Variants in NEB observed in about 807,000 individuals in gnomAD.
NEB encodes nemaline myopathy type 2.
Under a neutral mutation model 952.2 loss-of-function variants are expected in NEB, and 512 were observed. The ratio of observed to expected loss-of-function variants is 0.54; its 90% CI spans 0.50 to 0.58. The LOEUF (loss-of-function observed/expected upper bound fraction) is 0.58, where lower values mean the gene tolerates loss of function less well. NEB is among the 20% of genes least tolerant of loss of function. NEB has a pLI of 0.00. For missense variants in NEB, 8,428 were observed against 9,231.1 expected (o/e 0.91, Z 3.56); for synonymous variants, 2,900 against 3,149.8 (o/e 0.92, Z 2.66).
chr2:151,717,427 G>C lies in NEB; in HGVS notation c.811C>G (p.Gln271Glu), dbSNP rs368196453. 6.2e-7 allele frequency: 1 copy of C among 1,611,010 alleles called. No individual in the cohort carries two copies. The highest frequency in any genetic ancestry group is 1.3e-5 in the African/African-American group (1 of 75,040). ...DIEFAKKVTNQVSKQKYKEDY... is the reference protein window; with the variant it reads ...DIEFAKKVTNEVSKQKYKEDY... ...CTCTATTTACTTACCTTGCTCACTT[G>C]ATTGGTTACTTTCTTGGCAAATTCT... Residue 271 changes from glutamine to glutamate, a missense_variant, in exon 10 of 182, where the codon CAA (glutamine) becomes GAA (glutamate). Physicochemically the swap from Gln to Glu is conservative, Grantham distance 29. This residue lies in a region of NEB where 2,851 missense variants were observed against 2,791.5 expected (regional missense o/e 1.02). Coordinates refer to ENST00000397345, the MANE Select transcript of NEB (RefSeq NM_001164508.2).
intron 162 of NEB, 78 bp downstream of exon 162, chr2:151,507,927 G>A (rs2070648967): frequency 2.0e-6 from 2 of 1,020,184 alleles, no homozygotes; most frequent in East Asian, 2.6e-5. Context: ...CCCACTGCAA[G>A]CCTGGGATAT....
rs748325862 is a variant in NEB at position 151,680,743 on chromosome 2, G to A, written c.3029C>T (p.Ala1010Val). ...ATTAACACTTACATCACTCCTCTGG[G>A]CCTGGTTAATTTTAGACTGTACTGT... ...PITVQSKINQ[A>V]QRSDIAYKAK... Residue 1010 changes from alanine to valine, a missense_variant, in exon 30 of 182, where the codon GCC becomes GTC. Ala to Val is a moderately conservative substitution (Grantham distance 64). Around this residue, in one of 11 missense-constraint regions of NEB, gnomAD observed 2,851 missense variants for 2,791.5 expected, o/e 1.02. Coordinates refer to ENST00000397345, the MANE Select transcript of NEB (RefSeq NM_001164508.2). 1 of 1,602,852 alleles carries A rather than the reference G, an allele frequency of 6.2e-7. No homozygotes were observed. The highest frequency in any genetic ancestry group is 8.5e-7 in the Non-Finnish European group (1 of 1,170,338).
chr2:151,499,757 T>TA, intron 168 of NEB, among the ~76,000 whole-genome samples: 1 of 152,380 alleles, frequency 6.6e-6, no homozygotes, highest in Admixed American at 6.5e-5. Context: ...GCGTTTGTCT[T>TA]ACGGTCTAAC....
At chr2:151,711,052 A>G (rs2099743625) in intron 10 of NEB, among the ~76,000 whole-genome samples, 1 of 152,196 alleles carries the variant, frequency 6.6e-6, no homozygotes, top group Admixed American at 6.5e-5. Flanking sequence ...TCAAAAATTG[A>G]ATTATTGCCC....
chr2:151,670,120 A>G (rs2099267743), intron 38 of NEB, among the ~76,000 whole-genome samples: 1 of 152,158 alleles, frequency 6.6e-6, no homozygotes, highest in Non-Finnish European at 1.5e-5. Flanking sequence ...ACACCATGAG[A>G]AGTGACATCT....
chr2:151,523,857 A>T (rs1218019817), intron 153 of NEB, among the ~76,000 whole-genome samples: 3 of 151,748 alleles, frequency 2.0e-5, no homozygotes. Flanking sequence ...CCTACTTCCT[A>T]GCCCGGGCAG....
At chr2:151,495,997 G>A (rs1329511470) in intron 173 of NEB, among the ~76,000 whole-genome samples, 2 of 152,100 alleles carry the variant, frequency 1.3e-5, no homozygotes, top group African/African-American at 4.8e-5. Context: ...AAGAGACCTT[G>A]GGGGTAGTGG....
chr2:151,544,649 T>C (rs1038636162), intron 135 of NEB, among the ~76,000 whole-genome samples: 6 of 152,236 alleles, frequency 3.9e-5, no homozygotes, highest in Non-Finnish European at 8.8e-5. Context: ...GGCTCAATGT[T>C]GCATTTGCAA....
At chr2:151,512,333 TTCTC>T (rs1341601986) in intron 161 of NEB, among the ~76,000 whole-genome samples, 1 of 149,650 alleles carries the variant, frequency 6.7e-6, no homozygotes, top group East Asian at 2.0e-4. Context: ...CATGCCGGGC[TTCTC>T]TCTTTTTTTT....
chr2:151,697,957 T>C (rs976001333), intron 13 of NEB, among the ~76,000 whole-genome samples: 1 of 152,110 alleles, frequency 6.6e-6, no homozygotes, highest in African/African-American at 2.4e-5. Context: ...TCCCAGCTAC[T>C]TGGGAGGCTG....
chr2:151,642,185 G>C (rs55945937), intron 60 of NEB, among the ~76,000 whole-genome samples: 8,786 of 152,266 alleles, frequency 0.058, 440 homozygotes, highest in East Asian at 0.27. Flanking sequence ...TTTGAGTAAT[G>C]TGTCCTATAA....
chr2:151,498,760 A>G (rs1345672527), intron 169 of NEB, among the ~76,000 whole-genome samples: 1 of 152,192 alleles, frequency 6.6e-6, no homozygotes, highest in Non-Finnish European at 1.5e-5. Flanking sequence ...AACATTGTGT[A>G]TATGGAGACA....
chr2:151,612,281 T>C lies in NEB; in HGVS notation c.11710A>G (p.Lys3904Glu). 1 of 1,613,860 alleles carries C rather than the reference T, an allele frequency of 6.2e-7. No homozygotes were observed. Among genetic ancestry groups the C allele is most frequent in the Non-Finnish European group, 8.5e-7 (1 of 1,179,816 alleles). ...KRAGEILSDR[K>E]YRQPADQLKF... The stretch of plus-strand genomic sequence containing the variant: ...AGCTGGTCTGCAGGCTGGCGATACT[T>C]CCTGTCACTCAGGATTTCTCCAGCT... Residue 3904 changes from lysine to glutamate, a missense_variant, in exon 78 of 182, where the codon AAG becomes GAG. Physicochemically the swap from Lys to Glu is moderately conservative, Grantham distance 56 (BLOSUM62 1). Coordinates refer to ENST00000397345, the MANE Select transcript of NEB (RefSeq NM_001164508.2).
chr2:151,565,405 T>C, intron 116 of NEB, 96 bp downstream of exon 116: 1 of 935,308 alleles, frequency 1.1e-6, no homozygotes, highest in South Asian at 1.4e-5. Context: ...CTCCCAATTT[T>C]TTTACAAGCA....
intron 71 of NEB, 42 bp downstream of exon 71, chr2:151,625,492 A>G (rs772689830): frequency 7.1e-7 from 1 of 1,407,696 alleles, no homozygotes; most frequent in South Asian, 1.3e-5. Flanking sequence ...ATCGGCAACA[A>G]TCAATGTGGC....
In NEB at chr2:151,678,069, T is replaced by C. The variant is rs754392417; in HGVS notation, c.3374A>G (p.Glu1125Gly). 1 of 1,613,914 alleles carries C rather than the reference T, an allele frequency of 6.2e-7. No individual in the cohort carries two copies. The highest frequency in any genetic ancestry group is 1.1e-5 in the South Asian group (1 of 91,072). Residue 1125 changes from glutamate to glycine, a missense_variant, in exon 33 of 182, where the codon GAG becomes GGG. Coordinates refer to ENST00000397345, the MANE Select transcript of NEB (RefSeq NM_001164508.2). ...MNVAKIQSDR[E>G]YKKDYEKTKS... ...TGTCTTCTCATAGTCTTTTTTATAC[T>C]CCCGATCTGATTGTATCTTGGCCAC...
At chr2:151,550,636 ATTATTT>A (rs2095263672) in intron 129 of NEB, among the ~76,000 whole-genome samples, 1 of 151,924 alleles carries the variant, frequency 6.6e-6, no homozygotes, top group South Asian at 2.1e-4. Flanking sequence ...GAAAAACCAA[ATTATTT>A]TTATTTTATT....
At chr2:151,498,205 GAT>G in intron 170 of NEB, 53 bp downstream of exon 170, 1 of 1,549,080 alleles carries the variant, frequency 6.5e-7, no homozygotes, top group Non-Finnish European at 8.7e-7. Context: ...TAAATGTAAA[GAT>G]CAGTTTAATT....
intron 13 of NEB, among the ~76,000 whole-genome samples, chr2:151,703,236 G>T (rs1361760024): frequency 2.6e-5 from 3 of 116,530 alleles, no homozygotes; most frequent in African/African-American, 6.4e-5. Flanking sequence ...TCTGCTGTTA[G>T]TCTGATGGGC....
Sources: allele counts gnomAD v4.1 joint callset (sites outside exome capture counted in the v4.1 genomes callset), GRCh38; gene constraint gnomAD v4.1.1; regional missense constraint gnomAD v4.1.1; transcripts MANE v1.5; gene names NCBI Gene and HGNC (gene_info 2026-07-23, HGNC 2026-07-21).